Variants in LY86 observed in about 807,000 individuals in gnomAD.
The protein encoded by LY86 is MD-1, RP105-associated.
A neutral mutation model predicts 17.3 loss-of-function variants in LY86; 20 were observed. The ratio of observed to expected loss-of-function variants is 1.15; its 90% CI spans 0.81 to 1.68. LY86 has a LOEUF of 1.68. Among genes scored for constraint, LY86 ranks in the 40% most tolerant of loss-of-function variants. The pLI, the probability that LY86 is intolerant of heterozygous loss-of-function variation, is 0.00. For synonymous variants in LY86, 74 were observed against 70.6 expected, an observed-to-expected ratio of 1.05 and a Z score of -0.24; for missense variants, 200 against 191.9, an observed-to-expected ratio of 1.04 and a Z score of -0.25.
At chr6:6,603,843 A>G (rs532069222) in intron 1 of LY86, among the ~76,000 whole-genome samples, 1 of 152,066 alleles carries the variant, frequency 6.6e-6, no homozygotes, top group South Asian at 2.1e-4. Context: ...AAAAAATAAT[A>G]GTAATAAATT....
intron 1 of LY86, among the ~76,000 whole-genome samples, chr6:6,599,894 A>G (rs1205676527): frequency 6.6e-6 from 1 of 152,182 alleles, no homozygotes; most frequent in Non-Finnish European, 1.5e-5. Flanking sequence ...AAACCATCAC[A>G]TGAAGCAAAC....
intron 1 of LY86, among the ~76,000 whole-genome samples, chr6:6,615,485 G>A (rs911228001): frequency 6.6e-6 from 1 of 152,196 alleles, no homozygotes; most frequent in African/African-American, 2.4e-5. Context: ...ACTTTGGGAG[G>A]CCGAAACGGG....
At chr6:6,638,705 T>C (rs986781542) in intron 3 of LY86, among the ~76,000 whole-genome samples, 5 of 152,078 alleles carry the variant, frequency 3.3e-5, no homozygotes, top group Non-Finnish European at 5.9e-5. Flanking sequence ...ATGTGCACAA[T>C]GTGCAGGCTA....
At chr6:6,600,582 T>A (rs1581232102) in intron 1 of LY86, among the ~76,000 whole-genome samples, 1 of 79,446 alleles carries the variant, frequency 1.3e-5, no homozygotes, top group Non-Finnish European at 2.1e-5. Flanking sequence ...AGAGTGAGAC[T>A]CCATCAAAAA....
At chr6:6,595,457 A>G (rs1482856478) in intron 1 of LY86, among the ~76,000 whole-genome samples, 2 of 151,586 alleles carry the variant, frequency 1.3e-5, no homozygotes, top group Non-Finnish European at 2.9e-5. Context: ...GAAAAAGAAG[A>G]GAGGGAGAGG....
chr6:6,631,215 A>G (rs1327725384), intron 3 of LY86, among the ~76,000 whole-genome samples: 2 of 152,150 alleles, frequency 1.3e-5, no homozygotes, highest in Admixed American at 6.6e-5. Flanking sequence ...GGTGACCAGA[A>G]GTGCTCTGTG....
At chr6:6,612,420 C>T (rs1008134608) in intron 1 of LY86, among the ~76,000 whole-genome samples, 9 of 152,186 alleles carry the variant, frequency 5.9e-5, no homozygotes, top group Admixed American at 5.2e-4. Flanking sequence ...TCACTGGCCT[C>T]ATAAAAGAAA....
intron 1 of LY86, among the ~76,000 whole-genome samples, chr6:6,605,802 G>A (rs762343503): frequency 3.3e-5 from 5 of 152,122 alleles, no homozygotes; most frequent in Admixed American, 6.5e-5. Context: ...TCCTTTTGGT[G>A]GGGTTCGTGG....
chr6:6,643,743 C>G (rs952731612), intron 3 of LY86, among the ~76,000 whole-genome samples: 1 of 152,212 alleles, frequency 6.6e-6, no homozygotes, highest in Non-Finnish European at 1.5e-5. Flanking sequence ...TGCACACGAA[C>G]ACACACGTGC....
intron 1 of LY86, among the ~76,000 whole-genome samples, chr6:6,613,689 G>A (rs1458372477): frequency 6.6e-6 from 1 of 152,262 alleles, no homozygotes; most frequent in Non-Finnish European, 1.5e-5. Flanking sequence ...CCAGAAAGGG[G>A]TTCCCACAGT....
At chr6:6,601,844 G>A (rs1038059338) in intron 1 of LY86, among the ~76,000 whole-genome samples, 2 of 152,148 alleles carry the variant, frequency 1.3e-5, no homozygotes, top group Non-Finnish European at 2.9e-5. Context: ...GCAGTACCTG[G>A]GATGCCTGAT....
rs561274663 is a variant in LY86, at chr6:6,593,078, G to A, written c.136+4208G>A. On this transcript the variant is annotated intron_variant, in intron 1 of 4. Transcript: ENST00000230568. ...TGTTGCTGTGACAAATTTCTACTTG[G>A]TGGCTGAAAACAACACATGTATTTG... Among the ~76,000 whole-genome samples the A allele has an allele frequency of 5.9e-5, 9 of 152,356 alleles. No individual in the cohort carries two copies. In the South Asian group the frequency reaches 1.9e-3, roughly 32 times the overall value.
At chr6:6,600,567 G>C (rs4960220) in intron 1 of LY86, among the ~76,000 whole-genome samples, 104,673 of 131,262 alleles carry the variant, frequency 0.8, 42,730 homozygotes, top group Non-Finnish European at 0.89. Flanking sequence ...TCCAGCCTGA[G>C]AGACAGAGTG....
chr6:6,588,849 G>A lies in LY86; in HGVS notation c.115G>A (p.Glu39Lys), dbSNP rs1251752325. The A allele has an allele frequency of 5.0e-6, 8 of 1,613,962 alleles. No homozygotes were observed. The Admixed American group carries it at 1.3e-4, about 27-fold the overall frequency. Residue 39 changes from glutamate to lysine, a missense_variant, in exon 1 of 5, where the codon GAA (glutamate) becomes AAA (lysine). Physicochemically the swap from Glu to Lys is moderately conservative, Grantham distance 56. Transcript: ENST00000230568. ...CGTGGTCTGTAGCGACAGCGGCTTG[G>A]AAGTGCTCTACCAGAGTTGCGGTAA... ...THVVCSDSGL[E>K]VLYQSCDPLQ... is the part of the protein sequence containing the mutation.
At chr6:6,610,871 A>G (rs777740354) in intron 1 of LY86, among the ~76,000 whole-genome samples, 3 of 152,190 alleles carry the variant, frequency 2.0e-5, no homozygotes, top group African/African-American at 4.8e-5. Flanking sequence ...AAGGCCTGTG[A>G]TGACGGTGGA....
intron 1 of LY86, among the ~76,000 whole-genome samples, chr6:6,615,810 T>C (rs1177316085): frequency 6.6e-6 from 1 of 151,626 alleles, no homozygotes; most frequent in Admixed American, 6.6e-5. Flanking sequence ...GAGGATCGCT[T>C]GAATCCAGGA....
intron 1 of LY86, among the ~76,000 whole-genome samples, chr6:6,613,857 C>T (rs374422754): frequency 1.3e-5 from 2 of 152,244 alleles, no homozygotes; most frequent in South Asian, 2.1e-4. Flanking sequence ...TTCAGTCACT[C>T]CTCGAACACT....
chr6:6,596,585 C>A lies in LY86; in HGVS notation c.136+7715C>A, dbSNP rs534021684. 1.1e-4 allele frequency among the ~76,000 whole-genome samples: 16 copies of A among 152,286 alleles called. No homozygotes were observed. In the East Asian group the frequency reaches 1.9e-3, roughly 18 times the overall value. On this transcript the variant is annotated intron_variant, in intron 1 of 4. Coordinates refer to ENST00000230568, the MANE Select transcript of LY86 (RefSeq NM_004271.4). Reference sequence around the variant, plus strand: ...GCAATTTCAGAGGGATGACTCTGGGCGCGCAGGATTGAACAGCTAGCTGCC... The same window carrying A: ...GCAATTTCAGAGGGATGACTCTGGGAGCGCAGGATTGAACAGCTAGCTGCC...
At chr6:6,629,379 TC>T (rs1761863939) in intron 3 of LY86, among the ~76,000 whole-genome samples, 1 of 152,314 alleles carries the variant, frequency 6.6e-6, no homozygotes, top group South Asian at 2.1e-4. Flanking sequence ...ATGATTCTAT[TC>T]CAAAGAAATG....
Sources: gnomAD v4.1 joint callset for allele counts (sites outside exome capture counted in the v4.1 genomes callset) on GRCh38, gnomAD v4.1.1 for gene constraint, MANE v1.5 for transcripts, NCBI Gene and HGNC (gene_info 2026-07-23, HGNC 2026-07-21) for gene names.